CDH22: variants seen among roughly 807,000 people sequenced by gnomAD.
CDH22 encodes the protein cadherin 22, also known as cadherin-22.
A neutral mutation model predicts 58.4 loss-of-function variants in CDH22; 30 were observed. The observed-to-expected ratio is 0.51, with a 90% CI of 0.38 to 0.70. CDH22 has a LOEUF of 0.70. Ranked by LOEUF, CDH22 falls within the 30% of genes least tolerant of loss-of-function variation. CDH22 has a pLI of 0.00. For missense variants in CDH22, 1,014 were observed against 1,233.9 expected (o/e 0.82, Z 2.67); for synonymous variants, 513 against 558.2 (o/e 0.92, Z 1.14).
rs778140494 is a variant in CDH22 at position 46,210,589 on chromosome 20, T to G, written c.1033-29A>C. Reference sequence around the variant, plus strand: ...CGGGAGGGAGCAGAGGGCCGGTTAGTGGGTGGGGTCTGGTGGACACTGAGG... The same window carrying G: ...CGGGAGGGAGCAGAGGGCCGGTTAGGGGGTGGGGTCTGGTGGACACTGAGG... On this transcript the variant is annotated intron_variant, in intron 6 of 11. Transcript: ENST00000537909. This position sits in a 1 kb window ranked among gnomAD's most constrained non-coding sequence, Gnocchi z 4.5. 4 of 1,421,096 alleles carry G rather than the reference T, an allele frequency of 2.8e-6. No individual in the cohort carries two copies. In the Admixed American group the frequency reaches 8.9e-5, roughly 32 times the overall value. 88.0% of individuals were successfully genotyped at this position (1,421,096 alleles called of 1,614,324 possible).
At chr20:46,194,462 T>A (rs1025896537) in intron 8 of CDH22, among the ~76,000 whole-genome samples, 4 of 152,162 alleles carry the variant, frequency 2.6e-5, no homozygotes, top group African/African-American at 4.8e-5. Context: ...ATGGGGGAAC[T>A]CCCTTCCTTG....
chr20:46,273,417 A>C (rs900378929), intron 1 of CDH22, among the ~76,000 whole-genome samples: 3 of 152,198 alleles, frequency 2.0e-5, no homozygotes, highest in African/African-American at 7.2e-5. Flanking sequence ...AGTTGGCCCC[A>C]AAAACCTAGT....
intron 1 of CDH22, among the ~76,000 whole-genome samples, chr20:46,282,727 G>A (rs957149130): frequency 4.6e-5 from 7 of 152,202 alleles, no homozygotes; most frequent in South Asian, 4.2e-4. Flanking sequence ...GAGCTTATCC[G>A]CCTCCCCCAG....
At chr20:46,217,112 G>T in intron 4 of CDH22, 119 bp from the exon 5 acceptor site, 1 of 941,290 alleles carries the variant, frequency 1.1e-6, no homozygotes, top group East Asian at 2.6e-5. Flanking sequence ...CTCAGGAGGA[G>T]AGTGGGCCAC....
chr20:46,178,586 CTT>C (rs33937889), intron 10 of CDH22, among the ~76,000 whole-genome samples: 14 of 95,338 alleles, frequency 1.5e-4, no homozygotes, highest in South Asian at 3.9e-4. Flanking sequence ...CTGGCGTTGT[CTT>C]TTTTTTTTTT....
At chr20:46,293,820 G>T (rs530817943) in intron 1 of CDH22, among the ~76,000 whole-genome samples, 2 of 152,136 alleles carry the variant, frequency 1.3e-5, no homozygotes, top group Non-Finnish European at 2.9e-5. Flanking sequence ...TTTGAGACCA[G>T]CCTGGCCAAC....
chr20:46,187,079 A>T, intron 8 of CDH22, 132 bp from the exon 9 acceptor site: 3 of 874,586 alleles, frequency 3.4e-6, no homozygotes, highest in Non-Finnish European at 5.2e-6. Context: ...AGCTGGTACA[A>T]GGACCAGAAC....
At chr20:46,193,086 G>A (rs560790261) in intron 8 of CDH22, among the ~76,000 whole-genome samples, 19 of 152,246 alleles carry the variant, frequency 1.2e-4, no homozygotes, top group African/African-American at 4.3e-4. Flanking sequence ...CAGGGACCCT[G>A]AAATCATAAC....
chr20:46,287,126 G>A (rs6032752), intron 1 of CDH22, among the ~76,000 whole-genome samples: 33 of 152,254 alleles, frequency 2.2e-4, no homozygotes, highest in African/African-American at 7.9e-4. Context: ...GTCTGTGTCA[G>A]TTTAGCTCTT....
At chr20:46,291,635 T>G (rs531033871) in intron 1 of CDH22, among the ~76,000 whole-genome samples, 2 of 152,234 alleles carry the variant, frequency 1.3e-5, no homozygotes, top group African/African-American at 4.8e-5. Flanking sequence ...CGGCCCCTGC[T>G]GCACTGATGA....
Position 46,210,205 on chromosome 20 carries a change from GCCCTGCCCGC to G in CDH22, c.1286+92_1286+101del. The G allele has an allele frequency of 8.2e-7, 1 of 1,218,696 alleles. No homozygotes were observed. The highest frequency in any genetic ancestry group is 1.6e-5 in the African/African-American group (1 of 62,890). The allele number at this position is 1,218,696 out of a possible 1,614,324, so 75.5% of individuals were successfully genotyped here. ...CTCCCCCACGCAGCCCCTTCCTTCG[GCCCTGCCCGC>G]CCCAGCCCTCCTCCCCTCTGCCCGC... On this transcript the variant is annotated intron_variant, in intron 7 of 11. Transcript: ENST00000537909. This position sits in a 1 kb window ranked among gnomAD's most constrained non-coding sequence, Gnocchi z 4.5.
chr20:46,301,252 ATTAAATACT>A (rs1458533670), intron 1 of CDH22, among the ~76,000 whole-genome samples: 1 of 152,066 alleles, frequency 6.6e-6, no homozygotes, highest in Non-Finnish European at 1.5e-5. Context: ...ATCACTCTGT[ATTAAATACT>A]TCATATGAGC....
At chr20:46,217,462 A>C (rs915087472) in intron 4 of CDH22, among the ~76,000 whole-genome samples, 50 of 152,166 alleles carry the variant, frequency 3.3e-4, no homozygotes, top group Non-Finnish European at 4.1e-4. Context: ...ATACATTCAC[A>C]CACACAGAAA....
chr20:46,205,619 A>T (rs996352299), intron 7 of CDH22, among the ~76,000 whole-genome samples: 8 of 152,166 alleles, frequency 5.3e-5, no homozygotes, highest in Admixed American at 2.0e-4. Flanking sequence ...GCTAGGTAGG[A>T]ACGTGGCTGG....
At chr20:46,256,989 A>G (rs2086409585) in intron 1 of CDH22, among the ~76,000 whole-genome samples, 1 of 147,434 alleles carries the variant, frequency 6.8e-6, no homozygotes, top group Admixed American at 6.8e-5. Flanking sequence ...TCTAGGTGAC[A>G]GAGTGAGACC....
At chr20:46,252,309 C>T (rs1190279986) in intron 1 of CDH22, among the ~76,000 whole-genome samples, 3 of 152,204 alleles carry the variant, frequency 2.0e-5, no homozygotes, top group Admixed American at 2.0e-4. Flanking sequence ...GAGACACCCT[C>T]AGTGACTCCG....
chr20:46,183,637 GT>G (rs1237625755), intron 10 of CDH22, among the ~76,000 whole-genome samples: 13 of 152,114 alleles, frequency 8.5e-5, no homozygotes, highest in African/African-American at 2.7e-4. Context: ...TCACTGTGTT[GT>G]CCAGGCTATT....
At chr20:46,207,879 G>A (rs975004781) in intron 7 of CDH22, among the ~76,000 whole-genome samples, 1 of 152,178 alleles carries the variant, frequency 6.6e-6, no homozygotes, top group Non-Finnish European at 1.5e-5. Flanking sequence ...CCAGACTCCT[G>A]GGGCTATCTC....
intron 7 of CDH22, among the ~76,000 whole-genome samples, chr20:46,201,419 C>T (rs1166641816): frequency 6.6e-6 from 1 of 152,224 alleles, no homozygotes; most frequent in Admixed American, 6.5e-5. Context: ...ACTCCCCCAT[C>T]TCTGAAATGG....
Sources: gnomAD v4.1 joint callset for allele counts (sites outside exome capture counted in the v4.1 genomes callset) on GRCh38, gnomAD v4.1.1 for gene constraint, Gnocchi (gnomAD v3.1) non-coding constraint, MANE v1.5 for transcripts, NCBI Gene and HGNC (gene_info 2026-07-23, HGNC 2026-07-21) for gene names.